KLC1: variants seen among roughly 807,000 people sequenced by gnomAD.
The protein encoded by KLC1 is kinesin light chain 1, also known as kinesin 2 60/70kDa.
A neutral mutation model predicts 84.2 loss-of-function variants in KLC1; 30 were observed. The observed-to-expected ratio is 0.36, with a 90% confidence interval of 0.27 to 0.48. KLC1 has a LOEUF of 0.48. KLC1 is among the 20% of genes least tolerant of loss of function. The probability of loss-of-function intolerance (pLI) is 0.99; values close to 1 mark genes in which losing one functional copy is unlikely to be tolerated. For synonymous variants in KLC1, 289 were observed against 293.3 expected (o/e 0.99, Z 0.15); for missense variants, 499 against 805.4 (o/e 0.62, Z 4.60).
intron 15 of KLC1, chr14:103,696,370 A>C (rs2082521108): frequency 1.0e-6 from 1 of 985,252 alleles, no homozygotes; most frequent in Admixed American, 6.1e-5. Flanking sequence ...ACAGTATTGG[A>C]GGGATTCACA....
At chr14:103,667,341 G>A (rs563873259) in intron 5 of KLC1, among the ~76,000 whole-genome samples, 3 of 150,952 alleles carry the variant, frequency 2.0e-5, no homozygotes, top group South Asian at 2.1e-4. Context: ...TCCTGACCTC[G>A]GGTGATCTAC....
At chr14:103,685,188 A>C in intron 13 of KLC1, 1 of 1,438,824 alleles carries the variant, frequency 7.0e-7, no homozygotes, top group Non-Finnish European at 9.1e-7. Context: ...TGGGCTGTAG[A>C]CTTTTAAAGT....
At chr14:103,696,473 C>T (rs861541) in intron 15 of KLC1, 1 of 985,206 alleles carries the variant, frequency 1.0e-6, no homozygotes, top group Admixed American at 6.1e-5. Flanking sequence ...AATGATGTAT[C>T]GTTACAATGT....
At position 103,701,286 on chromosome 14, in the gene KLC1, C is replaced by T. The variant is rs2083179618; in HGVS notation, c.*87C>T. 6.9e-7 allele frequency: 1 copy of T among 1,446,514 alleles called. No individual in the cohort carries two copies. The allele number at this position is 1,446,514 out of a possible 1,614,324, so 89.6% of individuals were successfully genotyped here. On this transcript the variant is annotated 3_prime_UTR_variant, in exon 17 of 17. Transcript: ENST00000334553. ...GGACAGCCAGGGCGGCAGGGAGGGC[C>T]CCTGGCCGGGAGCCGCAGCGCTCAC... is the stretch of plus-strand genomic sequence containing the variant.
At chr14:103,685,938 G>C in intron 13 of KLC1, 1 of 1,114,958 alleles carries the variant, frequency 9.0e-7, no homozygotes, top group Non-Finnish European at 1.1e-6. Flanking sequence ...TGTTCACTTT[G>C]GTAACAGGTA....
At chr14:103,651,842 C>T (rs1394048823) in intron 1 of KLC1, among the ~76,000 whole-genome samples, 1 of 152,220 alleles carries the variant, frequency 6.6e-6, no homozygotes, top group East Asian at 1.9e-4. Context: ...ATAACACTGG[C>T]TTCCCTTGGG....
chr14:103,672,373 C>T (rs1029029758), intron 7 of KLC1, among the ~76,000 whole-genome samples: 5 of 152,032 alleles, frequency 3.3e-5, no homozygotes, highest in Admixed American at 2.0e-4. Context: ...ACCCCTTTTT[C>T]GATGCGGAGA....
At chr14:103,669,164 C>T (rs945160137) in intron 5 of KLC1, among the ~76,000 whole-genome samples, 5 of 151,760 alleles carry the variant, frequency 3.3e-5, no homozygotes, top group East Asian at 2.0e-4. Context: ...AGGCCGGGCA[C>T]GATGGCTCAT....
At chr14:103,696,091 C>CGGGGGGGGGGGGGGGGGG in intron 15 of KLC1, 14 of 744,646 alleles carry the variant, frequency 1.9e-5, no homozygotes, top group South Asian at 7.4e-5. Context: ...ATAATCACTG[C>CGGGGGGGGGGGGGGGGGG]GCCCCCGCCC....
rs1008517826 is a variant in KLC1 at position 103,694,769 on chromosome 14, C to T, written c.1848+2344C>T. On this transcript the variant is annotated intron_variant, in intron 15 of 16. Coordinates refer to ENST00000334553, the MANE Select transcript of KLC1 (RefSeq NM_001394837.1). This position sits in a 1 kb window ranked among gnomAD's most constrained non-coding sequence, Gnocchi z 4.5. ...GCACAGCAGAGGCTCACACTTGTCA[C>T]CTTCAGCCTCTAGAAGCTCCCCGTG... The T allele has an allele frequency of 1.4e-5, 14 of 985,398 alleles. No individual in the cohort carries two copies. Among genetic ancestry groups the T allele is most frequent in the Non-Finnish European group, 1.6e-5 (13 of 829,968 alleles). The allele number at this position is 985,398 out of a possible 1,614,324, so 61.0% of individuals were successfully genotyped here.
At chr14:103,646,022 T>A (rs1417385402) in intron 1 of KLC1, among the ~76,000 whole-genome samples, 1 of 152,132 alleles carries the variant, frequency 6.6e-6, no homozygotes, top group South Asian at 2.1e-4. Flanking sequence ...CCTCCCAAAG[T>A]GCTGGGATTA....
intron 13 of KLC1, chr14:103,684,841 A>G (rs2151811770): frequency 3.1e-6 from 2 of 648,378 alleles, no homozygotes; most frequent in East Asian, 2.8e-5. Flanking sequence ...CTGAGTTTTG[A>G]AATGAACAGC....
intron 2 of KLC1, among the ~76,000 whole-genome samples, chr14:103,656,453 A>G (rs2078849080): frequency 6.6e-6 from 1 of 152,230 alleles, no homozygotes; most frequent in South Asian, 2.1e-4. Context: ...CTCTGTCAGC[A>G]TATCTTAGGT....
At chr14:103,697,190 A>T (rs958575802) in intron 15 of KLC1, 6 of 909,974 alleles carry the variant, frequency 6.6e-6, no homozygotes, top group Non-Finnish European at 7.9e-6. Context: ...GTTTTGTAAA[A>T]ATCCAACCCC....
At chr14:103,634,302 A>G (rs116859075) in intron 1 of KLC1, among the ~76,000 whole-genome samples, 3 of 152,194 alleles carry the variant, frequency 2.0e-5, no homozygotes, top group South Asian at 2.1e-4. Context: ...GAACTTAGTA[A>G]ATGTTTGTTG....
chr14:103,663,103 G>A lies in KLC1; in HGVS notation c.797+176G>A, dbSNP rs544354638. 4.0e-5 allele frequency among the ~76,000 whole-genome samples: 6 copies of A among 148,180 alleles called. No individual in the cohort carries two copies. The South Asian group carries it at 8.6e-4, about 21-fold the overall frequency. ...GCAAGCTTTTTTTTTTTTTTGAGAC[G>A]GAGTCTCGTTCTGTCACCCAGGCTG... On this transcript the variant is annotated intron_variant, in intron 5 of 16. Coordinates refer to ENST00000334553, the MANE Select transcript of KLC1 (RefSeq NM_001394837.1).
In KLC1 at chr14:103,678,268, T is replaced by TTAAAA. The variant is rs565827229; in HGVS notation, c.1488+763_1488+767dup. 1.1e-3 allele frequency among the ~76,000 whole-genome samples: 156 copies of TTAAAA among 146,812 alleles called. 1 individual carries two copies. Among genetic ancestry groups the TTAAAA allele is most frequent in the Middle Eastern group, 4.0e-3 (1 of 248 alleles). On this transcript the variant is annotated intron_variant, in intron 12 of 16. Transcript: ENST00000334553. ...ACAGAGCGAGACTCCGTCTCAAAAA[T>TTAAAA]TAAAATAAAATAAAATAAAATAGCA...
chr14:103,700,849 G>A, intron 16 of KLC1, 122 bp downstream of exon 16: 1 of 815,214 alleles, frequency 1.2e-6, no homozygotes. Flanking sequence ...CTGCCAGGCT[G>A]GGCCTCCAAG....
Position 103,679,531 on chromosome 14 carries a change from G to A in KLC1, c.1636G>A (p.Val546Ile), listed in dbSNP as rs373604676. Residue 546 changes from valine (V) to isoleucine (I), a missense_variant, in exon 13 of 17, where the codon GTA (valine) becomes ATA (isoleucine). Val to Ile is a conservative substitution (Grantham distance 29, BLOSUM62 3). Coordinates refer to ENST00000334553, the MANE Select transcript of KLC1 (RefSeq NM_001394837.1). ...PDGGEEVSMS[V>I]EWNGDGTGSL... ...CGGAGGGGAGGAAGTGAGTATGAGCGTAGAGTGGAACGGGGTAAGTACAGT... is the reference window on the plus strand; with the variant it reads ...CGGAGGGGAGGAAGTGAGTATGAGCATAGAGTGGAACGGGGTAAGTACAGT... 45 of 1,613,816 alleles carry A rather than the reference G, an allele frequency of 2.8e-5. No homozygotes were observed. The African/African-American group carries it at 3.7e-4, about 13-fold the overall frequency.
Sources: gnomAD v4.1 joint callset for allele counts (sites outside exome capture counted in the v4.1 genomes callset) on GRCh38, gnomAD v4.1.1 for gene constraint, Gnocchi (gnomAD v3.1) non-coding constraint, MANE v1.5 for transcripts, NCBI Gene and HGNC (gene_info 2026-07-23, HGNC 2026-07-21) for gene names.